The following CFAP54 variants were observed in gnomAD, a reference collection of about 807,000 sequenced individuals.
The protein encoded by CFAP54 is cilia- and flagella-associated protein 54.
CFAP54 carries 290 observed loss-of-function variants against 370.4 expected under a neutral mutation model. The ratio of observed to expected loss-of-function variants is 0.78; its 90% CI spans 0.71 to 0.86. CFAP54 has a LOEUF of 0.86. CFAP54 is among the 40% of genes least tolerant of loss of function. The pLI is 0.00. For missense variants in CFAP54, 3,399 were observed against 3,528.7 expected (o/e 0.96, Z 0.93); for synonymous variants, 1,206 against 1,236.5 (o/e 0.98, Z 0.52).
At chr12:96,609,492 A>G (rs1420574775) in intron 26 of CFAP54, among the ~76,000 whole-genome samples, 1 of 152,158 alleles carries the variant, frequency 6.6e-6, no homozygotes, top group Non-Finnish European at 1.5e-5. Context: ...ACTGAATGGC[A>G]ATTTTCTGGA....
At chr12:96,725,108 G>T (rs368685529) in intron 50 of CFAP54, among the ~76,000 whole-genome samples, 11 of 152,096 alleles carry the variant, frequency 7.2e-5, no homozygotes, top group Non-Finnish European at 1.5e-4. Flanking sequence ...GTCAGGTAGC[G>T]TGATGCCTCC....
rs148801942 is a variant in CFAP54 at position 96,850,541 on chromosome 12, G to T, written c.9172-10278G>T. Among the ~76,000 whole-genome samples, 519 of 152,214 alleles carry T rather than the reference G, an allele frequency of 3.4e-3. 4 individuals are homozygous for T. The highest frequency in any genetic ancestry group is 0.012 in the African/African-American group (491 of 41,542). On this transcript the variant is annotated intron_variant, in intron 66 of 67. Transcript: ENST00000524981. ...GATTGGAGAGGGACATGTTCTGAGAGCCTGTCTTCCTAGGTGTGGATCCTG... is the reference window on the plus strand; with the variant it reads ...GATTGGAGAGGGACATGTTCTGAGATCCTGTCTTCCTAGGTGTGGATCCTG...
chr12:96,507,742 C>G (rs990742546), intron 4 of CFAP54, among the ~76,000 whole-genome samples: 1 of 152,148 alleles, frequency 6.6e-6, no homozygotes, highest in Non-Finnish European at 1.5e-5. Flanking sequence ...CAAATAACTT[C>G]AAGGAAACAT....
intron 2 of CFAP54, among the ~76,000 whole-genome samples, chr12:96,503,080 T>TTCTTTC (rs1555218957): frequency 4.3e-5 from 6 of 138,004 alleles, no homozygotes; most frequent in Non-Finnish European, 7.6e-5. Context: ...CTTTCTTTCT[T>TTCTTTC]TCTCTTTCTT....
chr12:96,579,248 G>T (rs912295700), intron 20 of CFAP54, among the ~76,000 whole-genome samples: 1 of 148,084 alleles, frequency 6.8e-6, no homozygotes, highest in African/African-American at 2.5e-5. Context: ...TCTTTGTCCT[G>T]TTCTGCCTTT....
intron 1 of CFAP54, among the ~76,000 whole-genome samples, chr12:96,496,979 C>T (rs1954961895): frequency 6.6e-6 from 1 of 152,102 alleles, no homozygotes; most frequent in African/African-American, 2.4e-5. Flanking sequence ...GCCATTTGAG[C>T]CCTGAGCCCT....
intron 26 of CFAP54, among the ~76,000 whole-genome samples, chr12:96,620,319 A>G (rs1483309410): frequency 6.6e-6 from 1 of 152,206 alleles, no homozygotes; most frequent in East Asian, 1.9e-4. Context: ...CCTGGTGTGA[A>G]GTAATTGAAT....
At chr12:96,580,873 T>C (rs561728152) in intron 21 of CFAP54, 47 bp from the exon 22 acceptor site, 1 of 1,302,172 alleles carries the variant, frequency 7.7e-7, no homozygotes, top group African/African-American at 1.5e-5. Flanking sequence ...AAAAGTCATG[T>C]TATTTTAATT....
rs765787249 is a variant in CFAP54, at chr12:96,651,744, T to C, written c.5029T>C (p.Leu1677=). The C allele has an allele frequency of 9.3e-6, 15 of 1,613,714 alleles. No homozygotes were observed. In the South Asian group the frequency reaches 1.5e-4, roughly 17 times the overall value. The stretch of plus-strand genomic sequence containing the variant: ...AGATGGTTTCCTCTGCACCTCTGTT[T>C]TACCATTCTATTTGGGAGCAGAATT... The part of the protein sequence containing the change: ...SQDGFLCTSV[L]PFYLGAELLI... Residue 1677 remains leucine (L), a synonymous_variant, in exon 36 of 68, where the codon TTA becomes CTA. Transcript: ENST00000524981.
chr12:96,805,572 C>CA (rs35711439), intron 63 of CFAP54, among the ~76,000 whole-genome samples: 66,034 of 138,758 alleles, frequency 0.48, 15,442 homozygotes, highest in South Asian at 0.64. Flanking sequence ...ATTAAAAAGT[C>CA]AAAAAAAAAA....
In CFAP54 at chr12:96,504,022, G is replaced by A; in HGVS notation, c.560G>A (p.Gly187Glu). ...FPKGFKDKTA[G>E]LTFHALSGKN... ...AAAGGCTTTAAAGATAAAACTGCTG[G>A]ACTTACAGTAAGATGAAAGAGCAGC... Residue 187 changes from glycine to glutamate, a missense_variant, in exon 3 of 68, where the codon GGA (glycine) becomes GAA (glutamate). Gly to Glu is a moderately conservative substitution (Grantham distance 98, BLOSUM62 -2). Transcript: ENST00000524981. The A allele has an allele frequency of 6.6e-7, 1 of 1,508,976 alleles. No homozygotes were observed. Among genetic ancestry groups the A allele is most frequent in the Non-Finnish European group, 8.8e-7 (1 of 1,138,426 alleles). 93.5% of individuals were successfully genotyped at this position (1,508,976 alleles called of 1,614,324 possible).
At chr12:96,731,120 T>A (rs1957915008) in intron 50 of CFAP54, among the ~76,000 whole-genome samples, 1 of 152,200 alleles carries the variant, frequency 6.6e-6, no homozygotes, top group South Asian at 2.1e-4. Context: ...ATGATAAGAC[T>A]TCTGGCGCCT....
intron 65 of CFAP54, 130 bp downstream of exon 65, chr12:96,818,043 C>A: frequency 1.6e-6 from 1 of 644,886 alleles, no homozygotes; most frequent in Non-Finnish European, 2.3e-6. Context: ...CGAGACATGA[C>A]TCAACTTTTT....
chr12:96,667,594 A>C (rs918149892), intron 39 of CFAP54, among the ~76,000 whole-genome samples: 3 of 152,134 alleles, frequency 2.0e-5, no homozygotes, highest in African/African-American at 7.2e-5. Context: ...AAGGGCACCA[A>C]ATCCCTAGGC....
intron 66 of CFAP54, among the ~76,000 whole-genome samples, chr12:96,857,697 G>A (rs1416751866): frequency 2.0e-5 from 3 of 152,142 alleles, no homozygotes; most frequent in Non-Finnish European, 4.4e-5. Context: ...TTGTGATAGT[G>A]AGTTCTCATG....
intron 62 of CFAP54, among the ~76,000 whole-genome samples, chr12:96,788,516 A>G (rs1300306574): frequency 2.0e-5 from 3 of 152,202 alleles, no homozygotes; most frequent in African/African-American, 4.8e-5. Flanking sequence ...ATTTTCCCAT[A>G]TAAGATATGT....
intron 6 of CFAP54, among the ~76,000 whole-genome samples, 184 bp from the exon 7 acceptor site, chr12:96,521,672 TC>T (rs1955321883): frequency 6.6e-6 from 1 of 152,112 alleles, no homozygotes; most frequent in Non-Finnish European, 1.5e-5. Context: ...GTCACCTTAT[TC>T]ACAGTTTATT....
At chr12:96,783,747 A>C (rs780244254) in intron 60 of CFAP54, among the ~76,000 whole-genome samples, 3 of 152,128 alleles carry the variant, frequency 2.0e-5, no homozygotes, top group Non-Finnish European at 4.4e-5. Context: ...TTAGCCGGGC[A>C]TGGTGGCGCA....
At chr12:96,756,430 C>A in intron 56 of CFAP54, 28 bp from the exon 57 acceptor site, 2 of 1,365,656 alleles carry the variant, frequency 1.5e-6, no homozygotes, top group Non-Finnish European at 1.0e-6. Flanking sequence ...AAAGGAAAAA[C>A]CATCTTTGTA....
Sources: gnomAD v4.1 joint callset for allele counts (sites outside exome capture counted in the v4.1 genomes callset) on GRCh38, gnomAD v4.1.1 for gene constraint, MANE v1.5 for transcripts, NCBI Gene and HGNC (gene_info 2026-07-23, HGNC 2026-07-21) for gene names.